The following ITPR1 variants were observed in gnomAD, a reference collection of about 807,000 sequenced individuals.
The protein encoded by ITPR1 is inositol 1,4,5-trisphosphate receptor type 1.
A neutral mutation model predicts 318.4 loss-of-function variants in ITPR1; 96 were observed. The observed-to-expected ratio is 0.30, with a 90% CI of 0.26 to 0.36. The LOEUF (loss-of-function observed/expected upper bound fraction) is 0.36, where lower values mean the gene tolerates loss of function less well. ITPR1 is among the 10% of genes least tolerant of loss of function. ITPR1 has a pLI of 1.00. For synonymous variants in ITPR1, 1,312 were observed against 1,289.9 expected, an observed-to-expected ratio of 1.02 and a Z score of -0.37; for missense variants, 2,440 against 3,460.2, an observed-to-expected ratio of 0.71 and a Z score of 7.40.
intron 12 of ITPR1, among the ~76,000 whole-genome samples, chr3:4,656,868 C>G (rs2093721753): frequency 6.6e-6 from 1 of 152,214 alleles, no homozygotes; most frequent in South Asian, 2.1e-4. Context: ...GGATGTTAGA[C>G]ATGGAAAATC....
chr3:4,757,162 C>T (rs2045062546), intron 44 of ITPR1, among the ~76,000 whole-genome samples: 2 of 152,170 alleles, frequency 1.3e-5, no homozygotes, highest in South Asian at 4.2e-4. Flanking sequence ...GCACTCTCTG[C>T]CTACCCAGGT....
At chr3:4,590,444 G>T (rs1400370009) in intron 4 of ITPR1, among the ~76,000 whole-genome samples, 10 of 151,188 alleles carry the variant, frequency 6.6e-5, no homozygotes, top group Admixed American at 6.6e-4. Context: ...AGCTGAGTTG[G>T]CCCTGGTTGG....
rs2086034974 is a variant in ITPR1 at position 4,555,538 on chromosome 3, A to G, written c.163+34444A>G. Among the ~76,000 whole-genome samples the G allele has an allele frequency of 2.0e-5, 3 of 152,340 alleles. No homozygotes were observed. In the South Asian group the frequency reaches 6.2e-4, roughly 32 times the overall value. On this transcript the variant is annotated intron_variant, in intron 4 of 61. Coordinates refer to ENST00000649015, the MANE Select transcript of ITPR1 (RefSeq NM_001378452.1). Reference sequence around the variant, plus strand: ...TCAATAGCAAAATAATAAATAAACCATGGTATATCCAGGCAATGGAATATT... The same window carrying G: ...TCAATAGCAAAATAATAAATAAACCGTGGTATATCCAGGCAATGGAATATT...
chr3:4,566,237 C>T (rs2087235693), intron 4 of ITPR1, among the ~76,000 whole-genome samples: 1 of 152,160 alleles, frequency 6.6e-6, no homozygotes, highest in African/African-American at 2.4e-5. Context: ...TGTATTCATT[C>T]CTTCCCCTGT....
At chr3:4,694,502 C>A (rs2094527719) in intron 33 of ITPR1, among the ~76,000 whole-genome samples, 1 of 152,038 alleles carries the variant, frequency 6.6e-6, no homozygotes, top group Non-Finnish European at 1.5e-5. Flanking sequence ...GTGGGGATAT[C>A]TTTTGAGAAA....
chr3:4,654,394 G>C (rs560700794), intron 12 of ITPR1, among the ~76,000 whole-genome samples: 1 of 152,326 alleles, frequency 6.6e-6, no homozygotes, highest in Admixed American at 6.5e-5. Flanking sequence ...GTCAGAAATA[G>C]GCTTTAGTGT....
At chr3:4,630,592 A>T (rs1329018698) in intron 5 of ITPR1, among the ~76,000 whole-genome samples, 4 of 145,166 alleles carry the variant, frequency 2.8e-5, no homozygotes, top group African/African-American at 7.7e-5. Flanking sequence ...TATTATTATT[A>T]TTATTATTTT....
In ITPR1 at chr3:4,658,281, ATCATTTTAAAATTGCTT is replaced by A; in HGVS notation, c.1151+5_1151+21del. On this transcript the variant is annotated splice_donor_5th_base_variant and intron_variant, in intron 13 of 61. Transcript: ENST00000649015. ...GGAGGTGACAGCCTTGTCCCAAGGT[ATCATTTTAAAATTGCTT>A]TTCCCCAAAGAATCAGGCCTGGTGT... is the stretch of plus-strand genomic sequence containing the variant. 6.2e-7 allele frequency: 1 copy of A among 1,601,692 alleles called. No individual in the cohort carries two copies. Among genetic ancestry groups the A allele is most frequent in the Non-Finnish European group, 8.5e-7 (1 of 1,171,000 alleles).
chr3:4,703,083 G>C (rs948896134), intron 36 of ITPR1, 133 bp downstream of exon 36: 1 of 967,504 alleles, frequency 1.0e-6, no homozygotes, highest in Non-Finnish European at 1.5e-6. Context: ...GCCAGACCCG[G>C]AACCAAGGTC....
At chr3:4,814,244 AC>A in intron 57 of ITPR1, 178 bp from the exon 58 acceptor site, 1 of 663,826 alleles carries the variant, frequency 1.5e-6, no homozygotes, top group East Asian at 2.8e-5. Context: ...AGCGATGAAA[AC>A]AGTTGCCCCA....
At chr3:4,741,064 A>G (rs1011490947) in intron 44 of ITPR1, among the ~76,000 whole-genome samples, 1 of 152,044 alleles carries the variant, frequency 6.6e-6, no homozygotes, top group Non-Finnish European at 1.5e-5. Context: ...GTCCTTGCCA[A>G]TTTCTATGTT....
intron 44 of ITPR1, among the ~76,000 whole-genome samples, chr3:4,746,343 C>G (rs1575104118): frequency 2.0e-5 from 3 of 152,304 alleles, no homozygotes; most frequent in South Asian, 4.1e-4. Flanking sequence ...CTCACGTGGT[C>G]TGGCCCCACC....
chr3:4,824,734 A>G (rs796739124), intron 60 of ITPR1, among the ~76,000 whole-genome samples: 6 of 152,294 alleles, frequency 3.9e-5, no homozygotes, highest in African/African-American at 1.2e-4. Context: ...TGCATAAATC[A>G]GTAAGACAGG....
chr3:4,655,760 C>T (rs1424699231), intron 12 of ITPR1, among the ~76,000 whole-genome samples: 1 of 152,066 alleles, frequency 6.6e-6, no homozygotes, highest in African/African-American at 2.4e-5. Flanking sequence ...GCCTTGGGTG[C>T]AGATCTAGAC....
At position 4,783,936 on chromosome 3, in the gene ITPR1, A is replaced by T; in HGVS notation, c.6615+16A>T. On this transcript the variant is annotated intron_variant, in intron 51 of 61. Transcript: ENST00000649015. ...GCAGATAGAGGTAAAAGCTGAGTAA[A>T]CTCAGGGCATGGGGTTGTGTTGAGG... 6.4e-7 allele frequency: 1 copy of T among 1,565,118 alleles called. No individual in the cohort carries two copies. The highest frequency in any genetic ancestry group is 8.7e-7 in the Non-Finnish European group (1 of 1,146,866).
chr3:4,536,499 T>G (rs1342552439), intron 4 of ITPR1, among the ~76,000 whole-genome samples: 1 of 152,224 alleles, frequency 6.6e-6, no homozygotes, highest in Non-Finnish European at 1.5e-5. Context: ...TCTTGACTAT[T>G]TACAAGGTCA....
intron 4 of ITPR1, among the ~76,000 whole-genome samples, chr3:4,521,507 C>G (rs930583854): frequency 6.6e-6 from 1 of 152,124 alleles, no homozygotes; most frequent in African/African-American, 2.4e-5. Context: ...CACTGAATGT[C>G]TCACTGGAAT....
At chr3:4,588,949 C>T (rs1196266376) in intron 4 of ITPR1, among the ~76,000 whole-genome samples, 2 of 152,186 alleles carry the variant, frequency 1.3e-5, no homozygotes, top group African/African-American at 4.8e-5. Context: ...ACCTAGTCTA[C>T]AGCCCTCATT....
chr3:4,725,670 CAA>C, intron 41 of ITPR1, 89 bp downstream of exon 41: 2 of 1,170,962 alleles, frequency 1.7e-6, no homozygotes, highest in Non-Finnish European at 2.5e-6. Context: ...ATTGTTGTAA[CAA>C]AAAGTCTCTC....
Sources: allele counts gnomAD v4.1 joint callset (sites outside exome capture counted in the v4.1 genomes callset), GRCh38; gene constraint gnomAD v4.1.1; transcripts MANE v1.5; gene names NCBI Gene and HGNC (gene_info 2026-07-23, HGNC 2026-07-21).